MSI2: variants seen among roughly 807,000 people sequenced by gnomAD.
MSI2 encodes the protein RNA-binding protein Musashi homolog 2.
Under a neutral mutation model 45.6 loss-of-function variants are expected in MSI2, and 17 were observed. The ratio of observed to expected loss-of-function variants is 0.37; its 90% CI spans 0.26 to 0.56. The LOEUF is 0.56. MSI2 is among the 20% of genes least tolerant of loss of function. The pLI is 0.77. For missense variants in MSI2, 293 were observed against 444.2 expected, an observed-to-expected ratio of 0.66 and a Z score of 3.06; for synonymous variants, 156 against 158.2, an observed-to-expected ratio of 0.99 and a Z score of 0.11.
intron 9 of MSI2, chr17:57,616,313 A>G: frequency 2.5e-6 from 1 of 402,264 alleles, no homozygotes; most frequent in Non-Finnish European, 4.4e-6. Flanking sequence ...GTTTGTATTT[A>G]TAATATTGCC....
chr17:57,573,508 G>T (rs1440057177), intron 7 of MSI2, among the ~76,000 whole-genome samples: 1 of 152,184 alleles, frequency 6.6e-6, no homozygotes, highest in Non-Finnish European at 1.5e-5. Context: ...CCTCAATGAG[G>T]AAGCTGAGCC....
chr17:57,262,371 C>T (rs1907392454), intron 5 of MSI2, 179 bp downstream of exon 5: 1 of 547,352 alleles, frequency 1.8e-6, no homozygotes, highest in East Asian at 3.1e-5. Context: ...AGTTAGCCAT[C>T]CCAAGGTGGC....
intron 6 of MSI2, among the ~76,000 whole-genome samples, chr17:57,502,602 G>GAGAT (rs1555614732): frequency 3.7e-5 from 2 of 54,416 alleles, no homozygotes; most frequent in African/African-American, 1.2e-4. Flanking sequence ...ATGACTCTGA[G>GAGAT]ATATATATAT....
At chr17:57,352,083 G>A (rs792387) in intron 5 of MSI2, among the ~76,000 whole-genome samples, 1 of 152,066 alleles carries the variant, frequency 6.6e-6, no homozygotes, top group East Asian at 1.9e-4. Flanking sequence ...GATATAAGTC[G>A]CAGGAAAGTC....
intron 7 of MSI2, among the ~76,000 whole-genome samples, chr17:57,572,195 G>A (rs1007625070): frequency 6.6e-6 from 1 of 152,232 alleles, no homozygotes; most frequent in Non-Finnish European, 1.5e-5. Flanking sequence ...GAGGAATGTC[G>A]CAGGTTTGAA....
chr17:57,474,109 A>G (rs551869775), intron 6 of MSI2, among the ~76,000 whole-genome samples: 1 of 152,114 alleles, frequency 6.6e-6, no homozygotes, highest in South Asian at 2.1e-4. Context: ...AGTTGGGGGT[A>G]TTTGCTGATC....
chr17:57,426,702 C>T (rs576729063), intron 6 of MSI2, among the ~76,000 whole-genome samples: 5 of 152,340 alleles, frequency 3.3e-5, no homozygotes, highest in Admixed American at 3.3e-4. Context: ...GGTGTCCATA[C>T]AGCCTTGGAA....
At chr17:57,414,043 T>C (rs2084247190) in intron 6 of MSI2, among the ~76,000 whole-genome samples, 1 of 150,582 alleles carries the variant, frequency 6.6e-6, no homozygotes, top group South Asian at 2.1e-4. Flanking sequence ...GCATGGGGTG[T>C]GGGTGGCGGA....
rs568369879 is a variant in MSI2, at chr17:57,416,768, C to T, written c.405+15297C>T. Among the ~76,000 whole-genome samples, 258 of 152,168 alleles carry T rather than the reference C, an allele frequency of 1.7e-3. 2 individuals are homozygous for T. Among genetic ancestry groups the T allele is most frequent in the Admixed American group, 0.011 (173 of 15,282 alleles). On this transcript the variant is annotated intron_variant, in intron 6 of 13. Coordinates refer to ENST00000284073, the MANE Select transcript of MSI2 (RefSeq NM_138962.4). ...GAGTTCCTGGGGTTGGGGGGCTGGA[C>T]GACAGTACATTCAGGAGCTCTAAGA... is the stretch of plus-strand genomic sequence containing the variant.
chr17:57,464,402 C>T (rs1371266152), intron 6 of MSI2, among the ~76,000 whole-genome samples: 1 of 152,004 alleles, frequency 6.6e-6, no homozygotes, highest in Non-Finnish European at 1.5e-5. Flanking sequence ...CATGATTGTG[C>T]CACTGCACTC....
At chr17:57,392,402 A>G (rs992742260) in intron 5 of MSI2, among the ~76,000 whole-genome samples, 2 of 152,216 alleles carry the variant, frequency 1.3e-5, no homozygotes, top group African/African-American at 4.8e-5. Context: ...TTTCATTACA[A>G]GATCACCTTC....
chr17:57,651,736 G>T (rs887772144), intron 10 of MSI2, among the ~76,000 whole-genome samples: 29 of 152,246 alleles, frequency 1.9e-4, no homozygotes, highest in African/African-American at 6.8e-4. Flanking sequence ...GCCCAGCCAT[G>T]CTCAGTTCTA....
chr17:57,440,594 T>A (rs2084782387), intron 6 of MSI2: 1 of 152,172 alleles, frequency 6.6e-6, no homozygotes, highest in South Asian at 2.1e-4. Context: ...CGAGCTGGGC[T>A]ATTTATAATT....
intron 5 of MSI2, among the ~76,000 whole-genome samples, chr17:57,355,666 C>T (rs1239607086): frequency 3.3e-5 from 5 of 152,158 alleles, no homozygotes; most frequent in Non-Finnish European, 5.9e-5. Context: ...GGGCCAAACC[C>T]CCTCCCTTGT....
chr17:57,671,307 A>T (rs1181197372), intron 11 of MSI2, among the ~76,000 whole-genome samples: 1 of 152,166 alleles, frequency 6.6e-6, no homozygotes, highest in Admixed American at 6.5e-5. Flanking sequence ...CATAATATCC[A>T]ATTTATAAAC....
intron 6 of MSI2, among the ~76,000 whole-genome samples, chr17:57,427,505 A>G (rs753503892): frequency 2.6e-5 from 4 of 152,166 alleles, no homozygotes; most frequent in Non-Finnish European, 5.9e-5. Flanking sequence ...AGTTGAGGGT[A>G]TGAGTGGGAC....
At chr17:57,301,530 G>A (rs116620788) in intron 5 of MSI2, among the ~76,000 whole-genome samples, 1,847 of 152,300 alleles carry the variant, frequency 0.012, 38 homozygotes, top group African/African-American at 0.042. Context: ...GGTTTTACCT[G>A]CCTGCCTTCC....
At position 57,627,602 on chromosome 17, in the gene MSI2, G is replaced by GT; in HGVS notation, c.727+305dup. ...CTCCTTTTTCTGAAGCCTCTTCCGGGTTTTTTCTCACTGGGGACTGAACTC... is the reference window on the plus strand; with the variant it reads ...CTCCTTTTTCTGAAGCCTCTTCCGGGTTTTTTTCTCACTGGGGACTGAACTC... On this transcript the variant is annotated intron_variant, in intron 10 of 13. Coordinates refer to ENST00000284073, the MANE Select transcript of MSI2 (RefSeq NM_138962.4). The surrounding 1 kb of genome is among the most constrained non-coding windows in gnomAD (Gnocchi z 4.6). 4.5e-6 allele frequency: 2 copies of GT among 446,790 alleles called. No individual in the cohort carries two copies. Among genetic ancestry groups the GT allele is most frequent in the Non-Finnish European group, 8.0e-6 (2 of 248,850 alleles). The allele number at this position is 446,790 out of a possible 1,614,324, so 27.7% of individuals were successfully genotyped here.
intron 6 of MSI2, among the ~76,000 whole-genome samples, chr17:57,483,435 A>C (rs2085688276): frequency 6.6e-6 from 1 of 152,202 alleles, no homozygotes; most frequent in Non-Finnish European, 1.5e-5. Context: ...TTATTCAAAC[A>C]CAAATGACTG....
Sources: allele counts gnomAD v4.1 joint callset (sites outside exome capture counted in the v4.1 genomes callset), GRCh38; gene constraint gnomAD v4.1.1; non-coding constraint Gnocchi (gnomAD v3.1); transcripts MANE v1.5; gene names NCBI Gene and HGNC (gene_info 2026-07-23, HGNC 2026-07-21).